EXOC1: variants seen among roughly 807,000 people sequenced by gnomAD.
EXOC1 encodes the protein exocyst complex component 1, also known as SEC3-like 1.
In EXOC1, 67 loss-of-function variants were observed where a neutral mutation model predicts 107.7. That is an observed-to-expected ratio of 0.62 (90% CI 0.51 to 0.76). The LOEUF (loss-of-function observed/expected upper bound fraction) is 0.76. Ranked by LOEUF, EXOC1 falls within the 30% of genes least tolerant of loss-of-function variation. The probability of loss-of-function intolerance (pLI) is 0.00; values close to 1 mark genes in which losing one functional copy is unlikely to be tolerated. For missense variants in EXOC1, 833 were observed against 1,055.7 expected (o/e 0.79, Z 2.92); for synonymous variants, 348 against 353.5 (o/e 0.98, Z 0.17).
At chr4:55,866,086 AT>A (rs1362097126) in intron 4 of EXOC1, among the ~76,000 whole-genome samples, 1 of 152,186 alleles carries the variant, frequency 6.6e-6, no homozygotes, top group Admixed American at 6.5e-5. Context: ...TTAAAAAAAA[AT>A]GTCTCTAAGT....
intron 10 of EXOC1, among the ~76,000 whole-genome samples, chr4:55,886,868 C>G (rs1190288134): frequency 6.6e-6 from 1 of 152,082 alleles, no homozygotes; most frequent in Admixed American, 6.6e-5. Flanking sequence ...ATAGAGAATC[C>G]TTTCTTTTTC....
intron 17 of EXOC1, chr4:55,902,052 A>T (rs1037369761): frequency 5.3e-6 from 1 of 189,066 alleles, no homozygotes; most frequent in Non-Finnish European, 1.1e-5. Context: ...TGTGTGAAAT[A>T]TTATGCAGCC....
chr4:55,857,796 C>T (rs1160653787), intron 1 of EXOC1, among the ~76,000 whole-genome samples: 3 of 152,200 alleles, frequency 2.0e-5, no homozygotes, highest in Non-Finnish European at 2.9e-5. Context: ...GTTACACCAA[C>T]ACTTGTTATT....
chr4:55,865,042 G>C (rs1042714418), intron 4 of EXOC1, among the ~76,000 whole-genome samples: 1 of 152,078 alleles, frequency 6.6e-6, no homozygotes, highest in African/African-American at 2.4e-5. Flanking sequence ...GATAATAATA[G>C]TATCTACCTC....
chr4:55,868,780 A>G (rs1001863820), intron 5 of EXOC1: 1 of 318,744 alleles, frequency 3.1e-6, no homozygotes, highest in Non-Finnish European at 5.8e-6. Context: ...CTGGAGTAAA[A>G]ACTAGGCCAG....
At chr4:55,856,798 A>G (rs1361857940) in intron 1 of EXOC1, among the ~76,000 whole-genome samples, 1 of 152,118 alleles carries the variant, frequency 6.6e-6, no homozygotes, top group Non-Finnish European at 1.5e-5. Flanking sequence ...ATAAGTGGAA[A>G]CCTATTTTTA....
At chr4:55,892,849 T>C (rs955381926) in intron 14 of EXOC1, 138 bp downstream of exon 14, 2 of 717,660 alleles carry the variant, frequency 2.8e-6, no homozygotes, top group Non-Finnish European at 4.6e-6. Flanking sequence ...CATTGTCTTA[T>C]CAAACGTTTT....
intron 11 of EXOC1, among the ~76,000 whole-genome samples, 194 bp downstream of exon 11, chr4:55,889,126 G>C (rs1001239070): frequency 1.3e-5 from 2 of 152,144 alleles, no homozygotes; most frequent in African/African-American, 4.8e-5. Flanking sequence ...AAAATTACTT[G>C]ACGAGTAGTA....
chr4:55,875,446 C>T (rs1054679634), intron 8 of EXOC1: 2 of 982,412 alleles, frequency 2.0e-6, no homozygotes, highest in African/African-American at 3.5e-5. Flanking sequence ...AATTTTGACC[C>T]CAATGTATCA....
chr4:55,901,417 T>C (rs1725893450), intron 17 of EXOC1, among the ~76,000 whole-genome samples: 1 of 152,168 alleles, frequency 6.6e-6, no homozygotes, highest in African/African-American at 2.4e-5. Context: ...ATGGGGTTTG[T>C]CAGCATTAAT....
intron 15 of EXOC1, 74 bp from the exon 16 acceptor site, chr4:55,896,643 A>G: frequency 1.7e-6 from 2 of 1,199,032 alleles, no homozygotes; most frequent in Non-Finnish European, 2.3e-6. Flanking sequence ...CTCCATCTAT[A>G]TATTTTGTTA....
chr4:55,862,392 T>C (rs1344914207), intron 3 of EXOC1, among the ~76,000 whole-genome samples: 1 of 152,148 alleles, frequency 6.6e-6, no homozygotes, highest in Non-Finnish European at 1.5e-5. Context: ...AAAATTTTTA[T>C]ACATAACTTA....
chr4:55,873,534 C>T lies in EXOC1; in HGVS notation c.1074+1576C>T, dbSNP rs1429177382. Among the ~76,000 whole-genome samples the T allele has an allele frequency of 3.3e-5, 5 of 152,138 alleles. No homozygotes were observed. In the South Asian group the frequency reaches 6.2e-4, roughly 19 times the overall value. ...AGTAAACAATAGTCTTTTCTGTACC[C>T]TTAACTGTTTGTTGTAACATGCAGT... On this transcript the variant is annotated intron_variant, in intron 8 of 18. Transcript: ENST00000381295.
In EXOC1 at chr4:55,871,213, T is replaced by G. The variant is rs1455358155; in HGVS notation, c.944T>G (p.Met315Arg). ...GCTGCTGATGCCCTTCTGCAGTGCA[T>G]GAATGTAGCTCTTCGACCAGGTATG... Reference protein sequence around the residue: ...TNAADALLQCMNVALRPGHDL... With the variant: ...TNAADALLQCRNVALRPGHDL... The change falls in exon 7 of 19, where the codon ATG (methionine) becomes AGG (arginine). Residue 315 changes from methionine (M) to arginine (R), a missense_variant. Physicochemically the swap from Met to Arg is moderately conservative, Grantham distance 91. Transcript: ENST00000381295. 3.1e-6 allele frequency: 5 copies of G among 1,613,292 alleles called. No individual in the cohort carries two copies. In the Admixed American group the frequency reaches 8.3e-5, roughly 27 times the overall value.
At chr4:55,902,749 G>A (rs1158205079) in intron 18 of EXOC1, among the ~76,000 whole-genome samples, 1 of 146,818 alleles carries the variant, frequency 6.8e-6, no homozygotes, top group African/African-American at 2.5e-5. Context: ...GCTATATTAT[G>A]GTGAGGCATT....
intron 8 of EXOC1, 55 bp downstream of exon 8, chr4:55,872,013 A>T: frequency 6.9e-7 from 1 of 1,453,210 alleles, no homozygotes; most frequent in South Asian, 1.2e-5. Flanking sequence ...TTTATGTATT[A>T]ACCTTACATT....
chr4:55,888,754 GTTAC>G, intron 10 of EXOC1, 130 bp from the exon 11 acceptor site: 1 of 820,408 alleles, frequency 1.2e-6, no homozygotes, highest in Non-Finnish European at 2.0e-6. Flanking sequence ...TGCACTTCTT[GTTAC>G]TTGATGCTCA....
Position 55,904,423 on chromosome 4 carries a change from A to G in EXOC1, c.2613A>G (p.Gly871=), listed in dbSNP as rs751460412. The G allele has an allele frequency of 4.3e-5, 69 of 1,612,778 alleles. No homozygotes were observed. Among genetic ancestry groups the G allele is most frequent in the Non-Finnish European group, 1.7e-6 (2 of 1,179,756 alleles). Residue 871 remains glycine, a synonymous_variant, in exon 19 of 19, where the codon GGA becomes GGG. Coordinates refer to ENST00000381295, the MANE Select transcript of EXOC1 (RefSeq NM_001024924.2). ...GTTTGATAGCTCGCTGTTATCCTGG[A>G]TCTGGTGTTACAATGGAATTCACTA... ...FEGLIARCYP[G]SGVTMEFTIQ... is the part of the protein sequence containing the mutation.
chr4:55,878,253 A>C (rs1157266951), intron 9 of EXOC1, among the ~76,000 whole-genome samples, 187 bp downstream of exon 9: 1 of 152,224 alleles, frequency 6.6e-6, no homozygotes, highest in Non-Finnish European at 1.5e-5. Context: ...GCTAAATTTT[A>C]AACTTCAGTA....
Sources: gnomAD v4.1 joint callset for allele counts (sites outside exome capture counted in the v4.1 genomes callset) on GRCh38, gnomAD v4.1.1 for gene constraint, MANE v1.5 for transcripts, NCBI Gene and HGNC (gene_info 2026-07-23, HGNC 2026-07-21) for gene names.